Variants in SMIM15 observed in about 807,000 individuals in gnomAD.
SMIM15 encodes the protein small integral membrane protein 15.
SMIM15 carries 5 observed loss-of-function variants against 6.8 expected under a neutral mutation model. That is an observed-to-expected ratio of 0.74 (90% confidence interval 0.39 to 1.56). The LOEUF is 1.56. Ranked by LOEUF, SMIM15 falls within the 40% of genes most tolerant of loss-of-function variation. The pLI, the probability that SMIM15 is intolerant of heterozygous loss-of-function variation, is 0.03. For missense variants in SMIM15, 81 were observed against 84.8 expected, an observed-to-expected ratio of 0.96 and a Z score of 0.18; for synonymous variants, 30 against 30.8, an observed-to-expected ratio of 0.97 and a Z score of 0.09.
In SMIM15 at chr5:61,158,451, C is replaced by G. The variant is rs1314078930; in HGVS notation, c.*1496G>C. Reference sequence around the variant, plus strand: ...GCATTAAGTGTTATTCAAACTGGTCCATAAACATTCTCAGTGGTCCTTAGG... The same window carrying G: ...GCATTAAGTGTTATTCAAACTGGTCGATAAACATTCTCAGTGGTCCTTAGG... On this transcript the variant is annotated 3_prime_UTR_variant, in exon 3 of 3. Coordinates refer to ENST00000339020, the MANE Select transcript of SMIM15 (RefSeq NM_001048249.4). 3 of 151,720 alleles carry G rather than the reference C, an allele frequency of 2.0e-5. No homozygotes were observed. The highest frequency in any genetic ancestry group is 4.4e-5 in the Non-Finnish European group (3 of 67,920). 9.4% of individuals were successfully genotyped at this position (151,720 alleles called of 1,614,324 possible). A position where few individuals can be genotyped will look rare whatever the true frequency, so the allele number is the denominator to read the frequency against.
Position 61,159,751 on chromosome 5 carries a change from C to T in SMIM15, c.*196G>A, listed in dbSNP as rs1457087894. 1.6e-6 allele frequency: 1 copy of T among 611,126 alleles called. No individual in the cohort carries two copies. The highest frequency in any genetic ancestry group is 2.8e-6 in the Non-Finnish European group (1 of 353,428). The allele number at this position is 611,126 out of a possible 1,614,324, so 37.9% of individuals were successfully genotyped here. A position where few individuals can be genotyped will look rare whatever the true frequency, so the allele number is the denominator to read the frequency against. The stretch of plus-strand genomic sequence containing the variant: ...AATTTACAATAACTGTCAATAGAAA[C>T]CTATAAACTTCTACACCCACGCCTA... On this transcript the variant is annotated 3_prime_UTR_variant, in exon 3 of 3. Coordinates refer to ENST00000339020, the MANE Select transcript of SMIM15 (RefSeq NM_001048249.4).
In SMIM15 at chr5:61,158,715, G is replaced by A. The variant is rs1444997007; in HGVS notation, c.*1232C>T. ...TAATGGGTACAGAAAACATTAATAA[G>A]CTGACAGTGAATTAAATACTAACAG... On this transcript the variant is annotated 3_prime_UTR_variant, in exon 3 of 3. Transcript: ENST00000339020. 3.9e-5 allele frequency: 6 copies of A among 152,058 alleles called. No individual in the cohort carries two copies. The highest frequency in any genetic ancestry group is 2.1e-4 in the South Asian group (1 of 4,820). The allele number at this position is 152,058 out of a possible 1,614,324, so 9.4% of individuals were successfully genotyped here. A position where few individuals can be genotyped will look rare whatever the true frequency, so the allele number is the denominator to read the frequency against.
In SMIM15 at chr5:61,162,284, C is replaced by A. The variant is rs1341209063; in HGVS notation, c.-236G>T. ...CCCGTCGGCCTTGGCAAGCGCGGGC[C>A]CCTTGTCGCGCAGAGCGGAGGGTCC... On this transcript the variant is annotated 5_prime_UTR_variant, in exon 1 of 3. Transcript: ENST00000339020. This position sits in a 1 kb window ranked among gnomAD's most constrained non-coding sequence, Gnocchi z 4.4. 6.6e-6 allele frequency: 1 copy of A among 152,556 alleles called. No homozygotes were observed. Among genetic ancestry groups the A allele is most frequent in the African/African-American group, 2.4e-5 (1 of 41,474 alleles). 9.5% of individuals were successfully genotyped at this position (152,556 alleles called of 1,614,324 possible). A position where few individuals can be genotyped will look rare whatever the true frequency, so the allele number is the denominator to read the frequency against.
At position 61,159,866 on chromosome 5, in the gene SMIM15, A is replaced by C; in HGVS notation, c.*81T>G. On this transcript the variant is annotated 3_prime_UTR_variant, in exon 3 of 3. Coordinates refer to ENST00000339020, the MANE Select transcript of SMIM15 (RefSeq NM_001048249.4). ...TAAATCATACTGTCAAGAAATCCAA[A>C]GAAGAAACTTTAGTGGATTCTTCCA... 1 of 1,470,448 alleles carries C rather than the reference A, an allele frequency of 6.8e-7. No individual in the cohort carries two copies. The highest frequency in any genetic ancestry group is 9.3e-7 in the Non-Finnish European group (1 of 1,078,332). 91.1% of individuals were successfully genotyped at this position (1,470,448 alleles called of 1,614,324 possible).
rs1741364582 is a variant in SMIM15 at position 61,158,792 on chromosome 5, AC to A, written c.*1154del. On this transcript the variant is annotated 3_prime_UTR_variant, in exon 3 of 3. Coordinates refer to ENST00000339020, the MANE Select transcript of SMIM15 (RefSeq NM_001048249.4). ...TATAAAAGCCATGTTTAATAGTAAA[AC>A]GTTCCAGTTCTACTAAACTGAAAGA... The A allele has an allele frequency of 1.3e-5, 2 of 152,288 alleles. No individual in the cohort carries two copies. The highest frequency in any genetic ancestry group is 2.1e-4 in the South Asian group (1 of 4,820). The allele number at this position is 152,288 out of a possible 1,614,324, so 9.4% of individuals were successfully genotyped here. A position where few individuals can be genotyped will look rare whatever the true frequency, so the allele number is the denominator to read the frequency against.
intron 2 of SMIM15, among the ~76,000 whole-genome samples, chr5:61,160,479 A>G (rs573993796): frequency 6.6e-6 from 1 of 152,374 alleles, no homozygotes; most frequent in South Asian, 2.1e-4. Flanking sequence ...CATAAGGACT[A>G]TGCATTCTCA....
intron 2 of SMIM15, among the ~76,000 whole-genome samples, chr5:61,160,804 G>A (rs538693077): frequency 3.9e-5 from 6 of 152,288 alleles, no homozygotes. Context: ...TGCCCTTTCA[G>A]CTTTGAGGAC....
chr5:61,159,854 C>G lies in SMIM15; in HGVS notation c.*93G>C. 5.8e-6 allele frequency: 8 copies of G among 1,385,320 alleles called. No individual in the cohort carries two copies. The highest frequency in any genetic ancestry group is 7.9e-6 in the Non-Finnish European group (8 of 1,012,310). The allele number at this position is 1,385,320 out of a possible 1,614,324, so 85.8% of individuals were successfully genotyped here. On this transcript the variant is annotated 3_prime_UTR_variant, in exon 3 of 3. Coordinates refer to ENST00000339020, the MANE Select transcript of SMIM15 (RefSeq NM_001048249.4). ...AATTTCATTTACTAAATCATACTGTCAAGAAATCCAAAGAAGAAACTTTAG... is the reference window on the plus strand; with the variant it reads ...AATTTCATTTACTAAATCATACTGTGAAGAAATCCAAAGAAGAAACTTTAG...
At chr5:61,160,354 G>GT (rs1721826059) in intron 2 of SMIM15, among the ~76,000 whole-genome samples, 155 bp from the exon 3 acceptor site, 1 of 152,104 alleles carries the variant, frequency 6.6e-6, no homozygotes, top group Admixed American at 6.5e-5. Context: ...TAGTACTATT[G>GT]TAATAAGGAC....
chr5:61,159,743 A>G lies in SMIM15; in HGVS notation c.*204T>C. On this transcript the variant is annotated 3_prime_UTR_variant, in exon 3 of 3. Coordinates refer to ENST00000339020, the MANE Select transcript of SMIM15 (RefSeq NM_001048249.4). Reference sequence around the variant, plus strand: ...TAAATGCTAATTTACAATAACTGTCAATAGAAACCTATAAACTTCTACACC... The same window carrying G: ...TAAATGCTAATTTACAATAACTGTCGATAGAAACCTATAAACTTCTACACC... The G allele has an allele frequency of 3.3e-6, 2 of 598,594 alleles. No individual in the cohort carries two copies. The highest frequency in any genetic ancestry group is 3.1e-5 in the Admixed American group (1 of 31,810). 37.1% of individuals were successfully genotyped at this position (598,594 alleles called of 1,614,324 possible).
chr5:61,159,715 C>A lies in SMIM15; in HGVS notation c.*232G>T. On this transcript the variant is annotated 3_prime_UTR_variant, in exon 3 of 3. Coordinates refer to ENST00000339020, the MANE Select transcript of SMIM15 (RefSeq NM_001048249.4). ...AGTCAGTTATAAAGAATTTGTACCA[C>A]AGTAAATGCTAATTTACAATAACTG... 1.9e-6 allele frequency: 1 copy of A among 540,176 alleles called. No individual in the cohort carries two copies. 33.5% of individuals were successfully genotyped at this position (540,176 alleles called of 1,614,324 possible). A position where few individuals can be genotyped will look rare whatever the true frequency, so the allele number is the denominator to read the frequency against.
At chr5:61,161,931 TG>T (rs1437222924) in intron 1 of SMIM15, 6 of 152,204 alleles carry the variant, frequency 3.9e-5, no homozygotes, top group African/African-American at 1.4e-4. Flanking sequence ...GAATAAACAA[TG>T]TAAGTTTCAG....
chr5:61,161,052 A>C (rs1741408908), intron 2 of SMIM15, 36 bp downstream of exon 2: 1 of 152,074 alleles, frequency 6.6e-6, no homozygotes, highest in Non-Finnish European at 1.5e-5. Flanking sequence ...ATCCACTTAC[A>C]ATTTCAACTG....
intron 2 of SMIM15, 45 bp from the exon 3 acceptor site, chr5:61,160,244 A>C: frequency 1.4e-6 from 2 of 1,408,808 alleles, no homozygotes; most frequent in Non-Finnish European, 1.9e-6. Context: ...AACAGGAGAA[A>C]AGACTATGTG....
intron 1 of SMIM15, among the ~76,000 whole-genome samples, chr5:61,161,556 A>T (rs546921490): frequency 1.3e-5 from 2 of 152,148 alleles, no homozygotes; most frequent in South Asian, 2.1e-4. Flanking sequence ...CTAGATTTTC[A>T]ATTTTTATAC....
At position 61,160,036 on chromosome 5, in the gene SMIM15, T is replaced by C. The variant is rs767276806; in HGVS notation, c.136A>G (p.Lys46Glu). ...ASAVLSWKLA[K>E]MIEAREKEQK... ...TCCTTCTCCCTGGCCTCAATCATCTTGGCCAATTTCCAAGACAGTACAGCA... is the reference window on the plus strand; with the variant it reads ...TCCTTCTCCCTGGCCTCAATCATCTCGGCCAATTTCCAAGACAGTACAGCA... The change falls in exon 3 of 3, where the codon AAG (lysine) becomes GAG (glutamate). Residue 46 changes from lysine to glutamate, a missense_variant. Physicochemically the swap from Lys to Glu is moderately conservative, Grantham distance 56. Transcript: ENST00000339020. The C allele has an allele frequency of 5.6e-6, 9 of 1,614,216 alleles. No homozygotes were observed. The South Asian group carries it at 8.8e-5, about 16-fold the overall frequency.
chr5:61,160,805 C>T (rs1162884705), intron 2 of SMIM15, among the ~76,000 whole-genome samples: 2 of 152,156 alleles, frequency 1.3e-5, no homozygotes, highest in Non-Finnish European at 2.9e-5. Flanking sequence ...GCCCTTTCAG[C>T]TTTGAGGACC....
rs1280638439 is a variant in SMIM15, at chr5:61,158,119, A to C, written c.*1828T>G. 6.6e-6 allele frequency: 1 copy of C among 152,132 alleles called. No homozygotes were observed. The highest frequency in any genetic ancestry group is 1.5e-5 in the Non-Finnish European group (1 of 68,012). 9.4% of individuals were successfully genotyped at this position (152,132 alleles called of 1,614,324 possible). A position where few individuals can be genotyped will look rare whatever the true frequency, so the allele number is the denominator to read the frequency against. ...TATGTCAAACAAATACAAAACTGGC[A>C]TGTGTTAAGACTAATAAATTATAGA... On this transcript the variant is annotated 3_prime_UTR_variant, in exon 3 of 3. Transcript: ENST00000339020.
chr5:61,161,119 T>C lies in SMIM15; in HGVS notation c.-60A>G, dbSNP rs1422153772. 1.3e-5 allele frequency: 2 copies of C among 152,210 alleles called. No homozygotes were observed. The highest frequency in any genetic ancestry group is 4.8e-5 in the African/African-American group (2 of 41,456). The allele number at this position is 152,210 out of a possible 1,614,324, so 9.4% of individuals were successfully genotyped here. On this transcript the variant is annotated 5_prime_UTR_variant, in exon 2 of 3. Transcript: ENST00000339020. ...CTTGAGTAGTGATCCCTTAACTTTGTCCTGGTGTTATTAGTGACCCAATCA... is the reference window on the plus strand; with the variant it reads ...CTTGAGTAGTGATCCCTTAACTTTGCCCTGGTGTTATTAGTGACCCAATCA...
Sources: gnomAD v4.1 joint callset for allele counts (sites outside exome capture counted in the v4.1 genomes callset) on GRCh38, gnomAD v4.1.1 for gene constraint, Gnocchi (gnomAD v3.1) non-coding constraint, MANE v1.5 for transcripts, NCBI Gene and HGNC (gene_info 2026-07-23, HGNC 2026-07-21) for gene names.